The following PTPRS variants were observed in gnomAD, a reference collection of about 807,000 sequenced individuals.
PTPRS encodes the protein receptor-type tyrosine-protein phosphatase S.
PTPRS carries 63 observed loss-of-function variants against 215.3 expected under a neutral mutation model. The observed-to-expected ratio is 0.29, with a 90% CI of 0.24 to 0.36. PTPRS has a LOEUF of 0.36. PTPRS is among the 10% of genes least tolerant of loss of function. PTPRS has a pLI of 1.00. For synonymous variants in PTPRS, 1,404 were observed against 1,191.4 expected (o/e 1.18, Z -3.68); for missense variants, 2,258 against 2,825.8 (o/e 0.80, Z 4.56).
At chr19:5,271,759 T>C (rs762134647) in intron 4 of PTPRS, among the ~76,000 whole-genome samples, 22 of 151,744 alleles carry the variant, frequency 1.4e-4, no homozygotes, top group Non-Finnish European at 2.4e-4. Context: ...AGTTTCGCTC[T>C]TGTCGCCCAG....
At chr19:5,307,913 C>A (rs938098430) in intron 1 of PTPRS, among the ~76,000 whole-genome samples, 48 of 152,192 alleles carry the variant, frequency 3.2e-4, no homozygotes, top group African/African-American at 1.1e-3. Context: ...TCTATGGCTG[C>A]TTTCACGCTC....
intron 16 of PTPRS, among the ~76,000 whole-genome samples, chr19:5,228,042 G>A (rs184349637): frequency 1.3e-5 from 2 of 152,220 alleles, no homozygotes; most frequent in Admixed American, 1.3e-4. Context: ...TCCTACCCCT[G>A]AGCCTCACAG....
At chr19:5,226,927 G>A (rs1398563768) in intron 16 of PTPRS, among the ~76,000 whole-genome samples, 13 of 151,976 alleles carry the variant, frequency 8.6e-5, no homozygotes, top group Admixed American at 8.5e-4. Context: ...ACATGATTAT[G>A]GGCTACTGGG....
At chr19:5,256,240 G>GTT (rs59925916) in intron 8 of PTPRS, 121 bp from the exon 9 acceptor site, 5,928 of 541,944 alleles carry the variant, frequency 0.011, 1 homozygote, top group East Asian at 0.044. Flanking sequence ...ATAGTTTGTT[G>GTT]TTTTTTTTTT....
intron 9 of PTPRS, among the ~76,000 whole-genome samples, chr19:5,251,607 C>T (rs1313853160): frequency 6.6e-6 from 1 of 152,066 alleles, no homozygotes; most frequent in Non-Finnish European, 1.5e-5. Flanking sequence ...CAAACCCCCT[C>T]CCCCAACAGA....
chr19:5,283,007 T>A (rs1274749586), intron 2 of PTPRS, among the ~76,000 whole-genome samples: 2 of 152,116 alleles, frequency 1.3e-5, no homozygotes, highest in African/African-American at 4.8e-5. Flanking sequence ...ATTGCCAATA[T>A]CAAAAAAGCT....
At chr19:5,328,551 G>T (rs1297732891) in intron 1 of PTPRS, among the ~76,000 whole-genome samples, 3 of 152,110 alleles carry the variant, frequency 2.0e-5, no homozygotes, top group African/African-American at 7.2e-5. Flanking sequence ...ACCACTTCTT[G>T]CCAGACACTA....
chr19:5,244,245 C>T lies in PTPRS; in HGVS notation c.1226G>A (p.Gly409Asp), dbSNP rs2145952976. The change falls in exon 11 of 38, where the codon GGC becomes GAC. Residue 409 changes from glycine (G) to aspartate (D), a missense_variant. Physicochemically the swap from Gly to Asp is moderately conservative, Grantham distance 94 (BLOSUM62 -1). Transcript: ENST00000262963. The surrounding 1 kb of genome is among the most constrained non-coding windows in gnomAD (Gnocchi z 7.2). ...CACGGACTCGCTGGGGGGCCCCTGG[C>T]CGATGGAGTTGACGGCCGACACCCA... ...EIWVSAVNSI[G>D]QGPPSESVVT... 6.2e-7 allele frequency: 1 copy of T among 1,613,168 alleles called. No homozygotes were observed. Among genetic ancestry groups the T allele is most frequent in the Non-Finnish European group, 8.5e-7 (1 of 1,179,398 alleles).
intron 2 of PTPRS, among the ~76,000 whole-genome samples, chr19:5,276,336 C>G (rs2047359237): frequency 1.3e-5 from 2 of 151,950 alleles, no homozygotes; most frequent in South Asian, 4.2e-4. Flanking sequence ...GATTCTCCTA[C>G]CTCTAACTCC....
intron 16 of PTPRS, among the ~76,000 whole-genome samples, chr19:5,228,903 G>A (rs189053312): frequency 7.9e-5 from 12 of 152,312 alleles, no homozygotes; most frequent in African/African-American, 2.9e-4. Flanking sequence ...GCATTTCTAG[G>A]CCAGACAGGG....
chr19:5,228,713 CAGAGAGGTAGTCCAG>C, intron 16 of PTPRS, among the ~76,000 whole-genome samples: 1 of 152,150 alleles, frequency 6.6e-6, no homozygotes, highest in Non-Finnish European at 1.5e-5. Flanking sequence ...GTTTTAGGGG[CAGAGAGGTAGTCCAG>C]AGAGAGGTAG....
chr19:5,227,106 G>A (rs1016881940), intron 16 of PTPRS, among the ~76,000 whole-genome samples: 2 of 152,030 alleles, frequency 1.3e-5, no homozygotes, highest in Non-Finnish European at 2.9e-5. Context: ...GGAGTGCAGG[G>A]TGTAATCATA....
chr19:5,257,876 C>T lies in PTPRS; in HGVS notation c.706+141G>A. 1 of 677,158 alleles carries T rather than the reference C, an allele frequency of 1.5e-6. No individual in the cohort carries two copies. The highest frequency in any genetic ancestry group is 2.5e-6 in the Non-Finnish European group (1 of 399,720). 41.9% of individuals were successfully genotyped at this position (677,158 alleles called of 1,614,324 possible). ...GCCCAGAGAGGGACGCCGCCTCGGC[C>T]AAGGTCCCACCGCGACCGGGGAGGG... is the stretch of plus-strand genomic sequence containing the variant. On this transcript the variant is annotated intron_variant, in intron 8 of 37. Transcript: ENST00000262963. This position sits in a 1 kb window ranked among gnomAD's most constrained non-coding sequence, Gnocchi z 4.4.
intron 13 of PTPRS, among the ~76,000 whole-genome samples, chr19:5,238,069 G>C (rs983870632): frequency 1.3e-5 from 2 of 152,228 alleles, no homozygotes; most frequent in African/African-American, 2.4e-5. Flanking sequence ...AGGGAAGAGG[G>C]GGAAGCAGGG....
At chr19:5,219,276 T>TGTAAA in intron 23 of PTPRS, 34 bp downstream of exon 23, 1 of 1,612,238 alleles carries the variant, frequency 6.2e-7, no homozygotes, top group Non-Finnish European at 8.5e-7. Context: ...CCCTCCCTGC[T>TGTAAA]GTCAAGTCAA....
intron 15 of PTPRS, 62 bp downstream of exon 15, chr19:5,229,429 G>C (rs1469480920): frequency 2.2e-6 from 3 of 1,361,748 alleles, no homozygotes; most frequent in African/African-American, 1.5e-5. Context: ...GAGGTGGGGG[G>C]AGCGCAAGGG....
rs1455160896 is a variant in PTPRS, at chr19:5,222,293, A to G, written c.3104-73T>C. The G allele has an allele frequency of 4.5e-6, 6 of 1,326,836 alleles. No individual in the cohort carries two copies. The South Asian group carries it at 4.7e-5, about 10-fold the overall frequency. The allele number at this position is 1,326,836 out of a possible 1,614,324, so 82.2% of individuals were successfully genotyped here. ...TGAGTGCCTGGCACTGGGTGGCGTG[A>G]AGCGGGGTGGGGTGGGGCGGCCCAG... On this transcript the variant is annotated intron_variant, in intron 18 of 37. Transcript: ENST00000262963.
rs1403884769 is a variant in PTPRS, at chr19:5,295,575, G to A, written c.-94-9341C>T. 6.6e-6 allele frequency among the ~76,000 whole-genome samples: 1 copy of A among 152,174 alleles called. No homozygotes were observed. The highest frequency in any genetic ancestry group is 1.5e-5 in the Non-Finnish European group (1 of 68,020). ...GACCTCAGGAGGCAGAGCAGGATTT[G>A]TCTCGGTCACCCAGTGTCCCCAGCA... On this transcript the variant is annotated intron_variant, in intron 1 of 37. Transcript: ENST00000262963. The surrounding 1 kb of genome is among the most constrained non-coding windows in gnomAD (Gnocchi z 4.6).
intron 4 of PTPRS, among the ~76,000 whole-genome samples, chr19:5,270,730 C>T (rs1189570864): frequency 2.6e-5 from 4 of 152,060 alleles, no homozygotes; most frequent in Admixed American, 1.3e-4. Context: ...CTCCGCCTCC[C>T]GGGTTCAAGC....
Sources: allele counts gnomAD v4.1 joint callset (sites outside exome capture counted in the v4.1 genomes callset), GRCh38; gene constraint gnomAD v4.1.1; non-coding constraint Gnocchi (gnomAD v3.1); transcripts MANE v1.5; gene names NCBI Gene and HGNC (gene_info 2026-07-23, HGNC 2026-07-21).